Variants in CSMD1 observed in about 807,000 individuals in gnomAD.
CSMD1 encodes CUB and Sushi multiple domains 1, also known as CUB and sushi domain-containing protein 1.
A neutral mutation model predicts 417.5 loss-of-function variants in CSMD1; 213 were observed. The observed-to-expected ratio is 0.51, with a 90% CI of 0.46 to 0.57. The LOEUF is 0.57. Ranked by LOEUF, CSMD1 falls within the 20% of genes least tolerant of loss-of-function variation. The pLI, the probability that CSMD1 is intolerant of heterozygous loss-of-function variation, is 0.00. For missense variants in CSMD1, 6,923 were observed against 4,529.7 expected (o/e 1.53, Z -15.17); for synonymous variants, 2,862 against 1,736.8 (o/e 1.65, Z -16.11).
At chr8:3,303,932 T>C (rs886714544) in intron 25 of CSMD1, among the ~76,000 whole-genome samples, 4 of 74,396 alleles carry the variant, frequency 5.4e-5, no homozygotes, top group African/African-American at 1.6e-4. Context: ...AATAACTATT[T>C]TGGGGTATTG....
At chr8:3,530,386 A>T (rs1797927469) in intron 10 of CSMD1, among the ~76,000 whole-genome samples, 1 of 152,110 alleles carries the variant, frequency 6.6e-6, no homozygotes, top group African/African-American at 2.4e-5. Flanking sequence ...GGAAGTTTCC[A>T]ATTTCCCTTG....
At chr8:3,027,252 G>C (rs1448042244) in intron 51 of CSMD1, among the ~76,000 whole-genome samples, 1 of 152,140 alleles carries the variant, frequency 6.6e-6, no homozygotes, top group Non-Finnish European at 1.5e-5. Context: ...CTCCATGTCA[G>C]CTTTCCCCAG....
chr8:4,620,158 G>T (rs1167662944), intron 2 of CSMD1, among the ~76,000 whole-genome samples: 2 of 151,740 alleles, frequency 1.3e-5, no homozygotes, highest in Non-Finnish European at 2.9e-5. Context: ...GGACTATAAA[G>T]ATATGTCTCC....
intron 7 of CSMD1, among the ~76,000 whole-genome samples, chr8:3,638,637 G>C (rs1214252383): frequency 6.6e-6 from 1 of 152,182 alleles, no homozygotes; most frequent in Non-Finnish European, 1.5e-5. Flanking sequence ...GGAGGAGCAG[G>C]TGAAACATGG....
intron 2 of CSMD1, among the ~76,000 whole-genome samples, chr8:4,573,639 G>C (rs889452802): frequency 1.3e-5 from 2 of 152,084 alleles, no homozygotes; most frequent in African/African-American, 4.8e-5. Flanking sequence ...CCTTAGCAGA[G>C]CTTGAGTGCT....
intron 27 of CSMD1, among the ~76,000 whole-genome samples, chr8:3,224,569 G>A (rs1296973631): frequency 6.6e-6 from 1 of 152,156 alleles, no homozygotes; most frequent in African/African-American, 2.4e-5. Context: ...TATCAGTGAG[G>A]AGCTGAGCTG....
chr8:4,767,044 T>C (rs1028775766), intron 1 of CSMD1, among the ~76,000 whole-genome samples: 4 of 152,182 alleles, frequency 2.6e-5, no homozygotes, highest in African/African-American at 7.2e-5. Flanking sequence ...ATAATACCTT[T>C]CAGGAAATAC....
At chr8:4,478,299 A>G (rs771043204) in intron 2 of CSMD1, among the ~76,000 whole-genome samples, 9 of 152,200 alleles carry the variant, frequency 5.9e-5, no homozygotes, top group Non-Finnish European at 1.0e-4. Flanking sequence ...AAGCAACTCA[A>G]AGCAACATGA....
At chr8:3,430,565 G>C (rs1414927643) in intron 12 of CSMD1, among the ~76,000 whole-genome samples, 3 of 152,302 alleles carry the variant, frequency 2.0e-5, no homozygotes. Context: ...TCAGCACCTT[G>C]GGAAGCTGAA....
chr8:3,865,608 A>T (rs934661670), intron 5 of CSMD1, among the ~76,000 whole-genome samples: 1 of 152,136 alleles, frequency 6.6e-6, no homozygotes, highest in Non-Finnish European at 1.5e-5. Flanking sequence ...GCAAAGCGCC[A>T]ATGTGTTATT....
chr8:3,029,064 T>C (rs1038642440), intron 51 of CSMD1, among the ~76,000 whole-genome samples: 1 of 152,142 alleles, frequency 6.6e-6, no homozygotes, highest in Admixed American at 6.6e-5. Context: ...TGAGCTGATT[T>C]GAAATACAGT....
At chr8:4,494,609 T>C (rs1427145950) in intron 2 of CSMD1, among the ~76,000 whole-genome samples, 1 of 152,140 alleles carries the variant, frequency 6.6e-6, no homozygotes, top group Non-Finnish European at 1.5e-5. Flanking sequence ...TTACACTAAC[T>C]ATGGGTTTTA....
intron 10 of CSMD1, among the ~76,000 whole-genome samples, chr8:3,513,926 AG>A (rs1470133841): frequency 6.6e-6 from 1 of 152,246 alleles, no homozygotes; most frequent in Non-Finnish European, 1.5e-5. Context: ...GAACATAAGA[AG>A]GGGCCATTAG....
chr8:4,385,992 C>G (rs578024214), intron 3 of CSMD1, among the ~76,000 whole-genome samples: 1 of 140,044 alleles, frequency 7.1e-6, no homozygotes, highest in Non-Finnish European at 1.7e-5. Context: ...TTCATTTCCT[C>G]TGTTTCATTT....
chr8:3,091,143 G>T (rs1474322797), intron 48 of CSMD1, among the ~76,000 whole-genome samples: 3 of 151,966 alleles, frequency 2.0e-5, no homozygotes, highest in African/African-American at 7.2e-5. Flanking sequence ...AATAGTAAGA[G>T]ATTATCATCA....
At chr8:4,004,582 T>A (rs2130386566) in intron 4 of CSMD1, among the ~76,000 whole-genome samples, 1 of 152,190 alleles carries the variant, frequency 6.6e-6, no homozygotes, top group Non-Finnish European at 1.5e-5. Context: ...CAAAACATAT[T>A]TATTTGGGAT....
At position 3,520,260 on chromosome 8, in the gene CSMD1, C is replaced by G. The variant is rs554284751; in HGVS notation, c.1345-26534G>C. Among the ~76,000 whole-genome samples, 4 of 152,090 alleles carry G rather than the reference C, an allele frequency of 2.6e-5. No homozygotes were observed. In the South Asian group the frequency reaches 8.3e-4, roughly 32 times the overall value. ...TTATAGGTTGGCCAGAGAGGAAGCACCATACCAAACTTGAAGTTTCAACCT... is the reference window on the plus strand; with the variant it reads ...TTATAGGTTGGCCAGAGAGGAAGCAGCATACCAAACTTGAAGTTTCAACCT... On this transcript the variant is annotated intron_variant, in intron 10 of 69. Coordinates refer to ENST00000635120, the MANE Select transcript of CSMD1 (RefSeq NM_033225.6).
Position 3,379,771 on chromosome 8 carries a change from A to G in CSMD1, c.2782+7723T>C, listed in dbSNP as rs188983059. Among the ~76,000 whole-genome samples the G allele has an allele frequency of 9.8e-5, 15 of 152,302 alleles. No homozygotes were observed. In the East Asian group the frequency reaches 2.7e-3, roughly 27 times the overall value. On this transcript the variant is annotated intron_variant, in intron 18 of 69. Transcript: ENST00000635120. ...CTCAAGATGGATTAAAGACTTAAACATAAGACCTAAAACCATAAAAACCCT... is the reference window on the plus strand; with the variant it reads ...CTCAAGATGGATTAAAGACTTAAACGTAAGACCTAAAACCATAAAAACCCT...
In CSMD1 at chr8:4,506,632, C is replaced by A. The variant is rs555515451; in HGVS notation, c.303-86567G>T. On this transcript the variant is annotated intron_variant, in intron 2 of 69. Coordinates refer to ENST00000635120, the MANE Select transcript of CSMD1 (RefSeq NM_033225.6). ...AGACTTTCACATGAGCAACAAACAACCTTGTTTTACATAAGACCCTATAAT... is the reference window on the plus strand; with the variant it reads ...AGACTTTCACATGAGCAACAAACAAACTTGTTTTACATAAGACCCTATAAT... 1.2e-4 allele frequency among the ~76,000 whole-genome samples: 18 copies of A among 152,284 alleles called. No homozygotes were observed. In the South Asian group the frequency reaches 3.3e-3, roughly 28 times the overall value.
Sources: gnomAD v4.1 joint callset for allele counts (sites outside exome capture counted in the v4.1 genomes callset) on GRCh38, gnomAD v4.1.1 for gene constraint, MANE v1.5 for transcripts, NCBI Gene and HGNC (gene_info 2026-07-23, HGNC 2026-07-21) for gene names.